KLHDC4: variants seen among roughly 807,000 people sequenced by gnomAD.
The protein encoded by KLHDC4 is kelch domain containing 4, also known as kelch domain-containing protein 4.
A neutral mutation model predicts 62.4 loss-of-function variants in KLHDC4; 90 were observed. The ratio of observed to expected loss-of-function variants is 1.44; its 90% CI spans 1.22 to 1.72. KLHDC4 has a LOEUF of 1.72. Ranked by LOEUF, KLHDC4 falls within the 40% of genes most tolerant of loss-of-function variation. The pLI is 0.00. For missense variants in KLHDC4, 1,025 were observed against 699.7 expected (o/e 1.47, Z -5.25); for synonymous variants, 386 against 284.4 (o/e 1.36, Z -3.59).
chr16:87,705,109 TAA>T (rs2034506392), downstream of KLHDC4, among the ~76,000 whole-genome samples: 1 of 127,504 alleles, frequency 7.8e-6, no homozygotes, highest in Non-Finnish European at 1.6e-5. Context: ...AAAGGCTTCC[TAA>T]CAGCCAGCAG....
chr16:87,754,450 G>A (rs1342076443), intron 4 of KLHDC4, among the ~76,000 whole-genome samples: 1 of 152,248 alleles, frequency 6.6e-6, no homozygotes, highest in Non-Finnish European at 1.5e-5. Context: ...GCTCAGGCAG[G>A]CAGGTCCTCC....
intron 5 of KLHDC4, among the ~76,000 whole-genome samples, chr16:87,732,578 C>T (rs1275100538): frequency 6.6e-6 from 1 of 152,178 alleles, no homozygotes; most frequent in Admixed American, 6.5e-5. Context: ...ACAAATAACA[C>T]ATAAATAACT....
intron 4 of KLHDC4, among the ~76,000 whole-genome samples, chr16:87,752,550 T>C (rs1276938895): frequency 3.3e-5 from 5 of 152,014 alleles, no homozygotes; most frequent in Admixed American, 1.3e-4. Flanking sequence ...TTGGCCAGGA[T>C]GGTCTCGATC....
intron 3 of KLHDC4, chr16:87,755,825 A>C (rs572768923): frequency 1.8e-5 from 3 of 162,812 alleles, no homozygotes; most frequent in East Asian, 1.7e-4. Context: ...TCGGCCTCCC[A>C]AAGTGCTGGG....
Position 87,709,596 on chromosome 16 carries a change from C to A in KLHDC4, c.1116G>T (p.Ala372=), listed in dbSNP as rs371084949. The A allele has an allele frequency of 2.5e-6, 4 of 1,612,354 alleles. No individual in the cohort carries two copies. Among genetic ancestry groups the A allele is most frequent in the Admixed American group, 3.3e-5 (2 of 59,868 alleles). Residue 372 remains alanine (A), a synonymous_variant, in exon 10 of 12, where the codon GCG becomes GCT. Coordinates refer to ENST00000270583, the MANE Select transcript of KLHDC4 (RefSeq NM_017566.4). ...KEEPEGGSRP[A]CGGAGTQGPV... ...GCCCCTGGGTGCCAGCTCCCCCACA[C>A]GCCGGCCTGCTACCACCTTCGGGCT...
chr16:87,765,411 G>A (rs907722209), intron 1 of KLHDC4: 26 of 484,958 alleles, frequency 5.4e-5, no homozygotes, highest in African/African-American at 3.5e-4. Flanking sequence ...TGCAGAGGCA[G>A]CCCCCGGCTC....
chr16:87,714,805 A>C (rs2036609764), intron 7 of KLHDC4, among the ~76,000 whole-genome samples: 1 of 152,116 alleles, frequency 6.6e-6, no homozygotes, highest in Non-Finnish European at 1.5e-5. Flanking sequence ...CCGCGATCAC[A>C]CAGTACACTA....
chr16:87,743,601 G>C (rs141878049), intron 5 of KLHDC4, among the ~76,000 whole-genome samples: 1 of 151,920 alleles, frequency 6.6e-6, no homozygotes, highest in Non-Finnish European at 1.5e-5. Context: ...TTAGCCAGGC[G>C]TGGTGGCGGG....
chr16:87,756,206 C>G, intron 3 of KLHDC4, 193 bp downstream of exon 3: 1 of 508,364 alleles, frequency 2.0e-6, no homozygotes, highest in Middle Eastern at 5.4e-4. Flanking sequence ...GACCCCAGGA[C>G]CACTGAAGTC....
intron 7 of KLHDC4, among the ~76,000 whole-genome samples, chr16:87,716,209 T>C (rs1254731606): frequency 6.6e-6 from 1 of 152,044 alleles, no homozygotes; most frequent in South Asian, 2.1e-4. Context: ...TATGGTCTTG[T>C]GGATATTGAC....
chr16:87,715,450 C>A (rs1013816294), intron 7 of KLHDC4, among the ~76,000 whole-genome samples: 4 of 152,116 alleles, frequency 2.6e-5, no homozygotes, highest in Non-Finnish European at 5.9e-5. Flanking sequence ...TCATTCACTG[C>A]CCCAGTGCTC....
chr16:87,726,153 G>A (rs112380893), intron 7 of KLHDC4, among the ~76,000 whole-genome samples: 1 of 151,336 alleles, frequency 6.6e-6, no homozygotes, highest in Non-Finnish European at 1.5e-5. Context: ...AGAGACCACA[G>A]ACAGCAGCGC....
At chr16:87,733,520 G>A (rs976053011) in intron 5 of KLHDC4, among the ~76,000 whole-genome samples, 54 of 152,296 alleles carry the variant, frequency 3.5e-4, no homozygotes, top group African/African-American at 1.3e-3. Context: ...CACCAGGGCA[G>A]GGCCTTAAGG....
At chr16:87,760,895 T>C (rs1353108879) in intron 2 of KLHDC4, among the ~76,000 whole-genome samples, 1 of 151,950 alleles carries the variant, frequency 6.6e-6, no homozygotes, top group Non-Finnish European at 1.5e-5. Flanking sequence ...TAGCTGGGTA[T>C]GGTGGCTGGC....
At position 87,709,348 on chromosome 16, in the gene KLHDC4, T is replaced by G; in HGVS notation, c.1364A>C (p.Asp455Ala). The change falls in exon 10 of 12, where the codon GAC becomes GCC. Residue 455 changes from aspartate to alanine, a missense_variant. Asp to Ala is a moderately radical substitution (Grantham distance 126). Transcript: ENST00000270583. ...CAGGTCGCTGAGGGTGACCTGGCGGTCGCCGGCCTCAAACATGCCCCCATA... is the reference window on the plus strand; with the variant it reads ...CAGGTCGCTGAGGGTGACCTGGCGGGCGCCGGCCTCAAACATGCCCCCATA... Reference protein sequence around the residue: ...YVYGGMFEAGDRQVTLSDLHC... With the variant: ...YVYGGMFEAGARQVTLSDLHC... 6.2e-7 allele frequency: 1 copy of G among 1,613,330 alleles called. No individual in the cohort carries two copies. The highest frequency in any genetic ancestry group is 1.3e-5 in the African/African-American group (1 of 75,032).
intron 7 of KLHDC4, among the ~76,000 whole-genome samples, chr16:87,715,098 C>A (rs2036679192): frequency 6.6e-6 from 1 of 152,178 alleles, no homozygotes; most frequent in South Asian, 2.1e-4. Context: ...CTCAGCTGGA[C>A]CAGGTGCACT....
chr16:87,705,730 G>A (rs1415162294), downstream of KLHDC4, among the ~76,000 whole-genome samples: 1 of 152,162 alleles, frequency 6.6e-6, no homozygotes, highest in Non-Finnish European at 1.5e-5. Flanking sequence ...AGAAAGAACC[G>A]GCCACACAAT....
At chr16:87,764,146 G>T (rs2046268973) in intron 1 of KLHDC4, among the ~76,000 whole-genome samples, 2 of 152,326 alleles carry the variant, frequency 1.3e-5, no homozygotes, top group African/African-American at 4.8e-5. Flanking sequence ...TGATTAGGTT[G>T]TATTACAGAC....
intron 6 of KLHDC4, among the ~76,000 whole-genome samples, chr16:87,727,646 C>T (rs534093708): frequency 6.6e-6 from 1 of 152,170 alleles, no homozygotes; most frequent in Non-Finnish European, 1.5e-5. Context: ...CATGGGGAGA[C>T]TCGGAGGCGC....
Sources: gnomAD v4.1 joint callset for allele counts (sites outside exome capture counted in the v4.1 genomes callset) on GRCh38, gnomAD v4.1.1 for gene constraint, MANE v1.5 for transcripts, NCBI Gene and HGNC (gene_info 2026-07-23, HGNC 2026-07-21) for gene names.